The following MGAT4C variants were observed in gnomAD, a reference collection of about 807,000 sequenced individuals.
MGAT4C encodes alpha-1,3-mannosyl-glycoprotein 4-beta-N-acetylglucosaminyltransferase C.
In MGAT4C, 19 loss-of-function variants were observed where a neutral mutation model predicts 40.1. The ratio of observed to expected loss-of-function variants is 0.47; its 90% CI spans 0.33 to 0.70. MGAT4C has a LOEUF of 0.70. Ranked by LOEUF, MGAT4C falls within the 30% of genes least tolerant of loss-of-function variation. MGAT4C has a pLI of 0.02. For synonymous variants in MGAT4C, 181 were observed against 187.1 expected, an observed-to-expected ratio of 0.97 and a Z score of 0.27; for missense variants, 491 against 563.2, an observed-to-expected ratio of 0.87 and a Z score of 1.30.
At chr12:86,022,050 T>C (rs1034687770) in intron 2 of MGAT4C, among the ~76,000 whole-genome samples, 1 of 152,224 alleles carries the variant, frequency 6.6e-6, no homozygotes, top group African/African-American at 2.4e-5. Context: ...TATTAAATTC[T>C]AAAAATAATA....
chr12:86,518,143 C>T (rs1445785095), intron 2 of MGAT4C, among the ~76,000 whole-genome samples: 1 of 152,122 alleles, frequency 6.6e-6, no homozygotes, highest in Non-Finnish European at 1.5e-5. Context: ...TCAGACTGTT[C>T]ATTACATTTG....
At position 86,052,590 on chromosome 12, in the gene MGAT4C, AC is replaced by A. The variant is rs550465042; in HGVS notation, c.-56-2868del. Among the ~76,000 whole-genome samples the A allele has an allele frequency of 5.9e-4, 89 of 152,126 alleles. 1 individual carries two copies. The highest frequency in any genetic ancestry group is 3.4e-4 in the Non-Finnish European group (23 of 67,946). ...AACAGCTTCAAGAATCAAATTGACC[AC>A]ACTACATCACTCAGCAAAATGTATT... On this transcript the variant is annotated intron_variant, in intron 1 of 4. Transcript: ENST00000611864.
chr12:86,015,563 A>G (rs118086036), intron 2 of MGAT4C: 2 of 152,266 alleles, frequency 1.3e-5, no homozygotes, highest in Non-Finnish European at 2.9e-5. Context: ...CACATTGCAC[A>G]GTTGCCACCA....
At chr12:86,062,073 TG>T (rs1355859814) in intron 1 of MGAT4C, among the ~76,000 whole-genome samples, 1 of 152,172 alleles carries the variant, frequency 6.6e-6, no homozygotes, top group Non-Finnish European at 1.5e-5. Flanking sequence ...CCACGTATCC[TG>T]ACTGGGAGAC....
At chr12:86,632,092 A>G (rs564030510) in intron 2 of MGAT4C, among the ~76,000 whole-genome samples, 45 of 152,144 alleles carry the variant, frequency 3.0e-4, no homozygotes, top group African/African-American at 1.1e-3. Context: ...AAAAGTGGGC[A>G]AAGGATATGA....
chr12:86,722,407 T>C (rs1950751999), intron 2 of MGAT4C, among the ~76,000 whole-genome samples: 1 of 152,202 alleles, frequency 6.6e-6, no homozygotes, highest in Non-Finnish European at 1.5e-5. Flanking sequence ...TATAATTCTA[T>C]TGTGGGGCCT....
chr12:86,382,883 G>T (rs140029358), intron 3 of MGAT4C, among the ~76,000 whole-genome samples: 383 of 152,346 alleles, frequency 2.5e-3, no homozygotes, highest in African/African-American at 8.6e-3. Flanking sequence ...TTATGGAAAT[G>T]CCTGAATGGC....
chr12:86,658,183 T>C (rs1963894968), intron 2 of MGAT4C, among the ~76,000 whole-genome samples: 7 of 152,018 alleles, frequency 4.6e-5, no homozygotes, highest in Admixed American at 4.6e-4. Flanking sequence ...AGGTGTTAAA[T>C]CAAATATAAC....
chr12:86,421,755 C>A (rs1324955854), intron 3 of MGAT4C, among the ~76,000 whole-genome samples: 2 of 152,024 alleles, frequency 1.3e-5, no homozygotes, highest in Admixed American at 6.6e-5. Context: ...CCAGCCTGGG[C>A]GACAAGAGAG....
chr12:86,385,467 A>G (rs1322868565), intron 3 of MGAT4C, among the ~76,000 whole-genome samples: 9 of 152,164 alleles, frequency 5.9e-5, no homozygotes, highest in Non-Finnish European at 1.3e-4. Context: ...TAGATGTCAG[A>G]GAAAGAAAAG....
rs577448153 is a variant in MGAT4C, at chr12:86,765,836, C to G, written c.-261-38595G>C. The stretch of plus-strand genomic sequence containing the variant: ...AATGCTGAGAGATTTTTGTCACCAC[C>G]AGGCCTGCCCTAAAAGAGCTCCTGA... On this transcript the variant is annotated intron_variant, in intron 1 of 7. Transcript: ENST00000548651. 9.9e-5 allele frequency among the ~76,000 whole-genome samples: 15 copies of G among 152,178 alleles called. No individual in the cohort carries two copies. In the South Asian group the frequency reaches 2.5e-3, roughly 25 times the overall value.
intron 4 of MGAT4C, among the ~76,000 whole-genome samples, chr12:86,282,736 TC>T (rs1310740149): frequency 6.6e-6 from 1 of 152,094 alleles, no homozygotes; most frequent in Non-Finnish European, 1.5e-5. Context: ...TTATTTCCAG[TC>T]CTGTTTTTCA....
intron 2 of MGAT4C, among the ~76,000 whole-genome samples, chr12:86,038,204 A>C (rs1891432227): frequency 6.7e-6 from 1 of 149,826 alleles, no homozygotes; most frequent in East Asian, 1.9e-4. Context: ...ATATTCTGCT[A>C]GTTGAGATAA....
chr12:86,607,244 A>G (rs1251469207), intron 2 of MGAT4C, among the ~76,000 whole-genome samples: 1 of 152,024 alleles, frequency 6.6e-6, no homozygotes. Flanking sequence ...AAATGGAAGA[A>G]ACTAATATTT....
At position 86,198,059 on chromosome 12, in the gene MGAT4C, A is replaced by G. The variant is rs1243081833; in HGVS notation, c.-57+58180T>C. On this transcript the variant is annotated intron_variant, in intron 1 of 4. Transcript: ENST00000611864. ...GCTCCCTAAGTTTCATTTAAGTAAGATCAGAATTTTTGGAATACTTCATTT... is the reference window on the plus strand; with the variant it reads ...GCTCCCTAAGTTTCATTTAAGTAAGGTCAGAATTTTTGGAATACTTCATTT... 2.0e-5 allele frequency among the ~76,000 whole-genome samples: 3 copies of G among 152,330 alleles called. No individual in the cohort carries two copies. In the East Asian group the frequency reaches 5.8e-4, roughly 29 times the overall value.
chr12:86,165,696 A>G (rs1886112401), intron 1 of MGAT4C, among the ~76,000 whole-genome samples: 1 of 152,164 alleles, frequency 6.6e-6, no homozygotes, highest in Non-Finnish European at 1.5e-5. Flanking sequence ...ATCAATTTAA[A>G]ACGATGATAT....
upstream of MGAT4C, among the ~76,000 whole-genome samples, chr12:86,260,630 A>G (rs1159702437): frequency 6.6e-6 from 1 of 152,108 alleles, no homozygotes; most frequent in Non-Finnish European, 1.5e-5. Flanking sequence ...TAGCTCCACT[A>G]TTAGAATTGG....
chr12:86,777,946 T>C (rs919935054), intron 1 of MGAT4C, among the ~76,000 whole-genome samples: 4 of 152,204 alleles, frequency 2.6e-5, no homozygotes, highest in African/African-American at 4.8e-5. Context: ...TTTATAATGA[T>C]AATAAATATA....
intron 1 of MGAT4C, among the ~76,000 whole-genome samples, chr12:86,236,961 T>C (rs1173131635): frequency 1.3e-5 from 2 of 151,280 alleles, no homozygotes; most frequent in Admixed American, 6.6e-5. Context: ...GTATCGTATG[T>C]CCCGTTAGCT....
Sources: allele counts gnomAD v4.1 joint callset (sites outside exome capture counted in the v4.1 genomes callset), GRCh38; gene constraint gnomAD v4.1.1; transcripts MANE v1.5; gene names NCBI Gene and HGNC (gene_info 2026-07-23, HGNC 2026-07-21).